AFAP1: variants seen among roughly 807,000 people sequenced by gnomAD.
The protein encoded by AFAP1 is actin filament-associated protein 1.
A neutral mutation model predicts 93.9 loss-of-function variants in AFAP1; 75 were observed. That is an observed-to-expected ratio of 0.80 (90% CI 0.66 to 0.97). AFAP1 has a LOEUF of 0.97. AFAP1 is among the 50% of genes least tolerant of loss of function. The pLI is 0.00. For synonymous variants in AFAP1, 517 were observed against 430.7 expected (o/e 1.20, Z -2.48); for missense variants, 1,201 against 1,050.8 (o/e 1.14, Z -1.98).
At chr4:7,770,833 G>A (rs1577179993) in intron 16 of AFAP1, among the ~76,000 whole-genome samples, 1 of 152,172 alleles carries the variant, frequency 6.6e-6, no homozygotes, top group Non-Finnish European at 1.5e-5. Flanking sequence ...AAGACAAGCA[G>A]CGTGGGGGAC....
chr4:7,837,249 C>T lies in AFAP1; in HGVS notation c.726+1275G>A, dbSNP rs191095308. 5.8e-4 allele frequency among the ~76,000 whole-genome samples: 89 copies of T among 152,264 alleles called. No homozygotes were observed. In the Middle Eastern group the frequency reaches 0.01, roughly 17 times the overall value. ...TAGGACTGAACACTACTGCCATGGA[C>T]GGAATGTGTTCCCCCAAATTCATAT... is the stretch of plus-strand genomic sequence containing the variant. On this transcript the variant is annotated intron_variant, in intron 6 of 17. Transcript: ENST00000420658.
chr4:7,758,967 CAT>C lies in AFAP1; in HGVS notation c.*4796_*4797del, dbSNP rs1313150686. 2 of 152,440 alleles carry C rather than the reference CAT, an allele frequency of 1.3e-5. No individual in the cohort carries two copies. The highest frequency in any genetic ancestry group is 1.9e-4 in the East Asian group (1 of 5,194). The allele number at this position is 152,440 out of a possible 1,614,324, so 9.4% of individuals were successfully genotyped here. A position where few individuals can be genotyped will look rare whatever the true frequency, so the allele number is the denominator to read the frequency against. On this transcript the variant is annotated 3_prime_UTR_variant, in exon 18 of 18. Coordinates refer to ENST00000420658, the MANE Select transcript of AFAP1 (RefSeq NM_001134647.2). ...AGTCATTTGAAGTGGGCACTACTAA[CAT>C]ATTTAATTTAAAAAAATCTTTGCTG...
At chr4:7,782,108 G>A (rs1358730596) in intron 12 of AFAP1, among the ~76,000 whole-genome samples, 1 of 152,234 alleles carries the variant, frequency 6.6e-6, no homozygotes, top group Non-Finnish European at 1.5e-5. Flanking sequence ...TCCTAGCAGA[G>A]CACCCGATGC....
intron 17 of AFAP1, 21 bp from the exon 18 acceptor site, chr4:7,763,812 G>C (rs1216130947): frequency 5.2e-6 from 8 of 1,551,474 alleles, no homozygotes; most frequent in Non-Finnish European, 7.0e-6. Context: ...GGAGAGTCTT[G>C]TAAGTGGACA....
At chr4:7,913,300 G>A (rs755308526) in intron 1 of AFAP1, among the ~76,000 whole-genome samples, 41 of 151,464 alleles carry the variant, frequency 2.7e-4, no homozygotes, top group Non-Finnish European at 2.8e-4. Flanking sequence ...TGAGGTGGGA[G>A]GATCTCTTGA....
chr4:7,895,358 C>T (rs1718704082), intron 1 of AFAP1, among the ~76,000 whole-genome samples: 1 of 152,138 alleles, frequency 6.6e-6, no homozygotes, highest in Non-Finnish European at 1.5e-5. Flanking sequence ...CAATAAATTA[C>T]TACGGTCATT....
intron 13 of AFAP1, among the ~76,000 whole-genome samples, chr4:7,780,564 G>T (rs1337940015): frequency 6.6e-6 from 1 of 152,162 alleles, no homozygotes; most frequent in African/African-American, 2.4e-5. Flanking sequence ...TGTTGTCCCA[G>T]CTACTTGGGA....
chr4:7,790,077 T>A (rs1475002177), intron 11 of AFAP1, among the ~76,000 whole-genome samples: 1 of 152,212 alleles, frequency 6.6e-6, no homozygotes, highest in African/African-American at 2.4e-5. Context: ...GCACAAAGAA[T>A]TCTCCTAAGA....
At position 7,843,269 on chromosome 4, in the gene AFAP1, T is replaced by C. The variant is rs761733224; in HGVS notation, c.416A>G (p.His139Arg). 8.7e-6 allele frequency: 14 copies of C among 1,614,050 alleles called. No individual in the cohort carries two copies. The highest frequency in any genetic ancestry group is 1.2e-5 in the Non-Finnish European group (14 of 1,180,052). Residue 139 changes from histidine to arginine, a missense_variant, in exon 5 of 18, where the codon CAC becomes CGC. Coordinates refer to ENST00000420658, the MANE Select transcript of AFAP1 (RefSeq NM_001134647.2). ...GGAGGCCTCCTCGGAGGGCCACTGG[T>C]GCCGGGTTTTCTTCCCCTTCCCATC... is the stretch of plus-strand genomic sequence containing the variant. ...EEDGKGKKTR[H>R]QWPSEEASMD... is the part of the protein sequence containing the mutation.
At chr4:7,908,763 G>A (rs1719564478) in intron 1 of AFAP1, among the ~76,000 whole-genome samples, 1 of 152,236 alleles carries the variant, frequency 6.6e-6, no homozygotes, top group African/African-American at 2.4e-5. Flanking sequence ...GCCATAGGAA[G>A]CACCTGTTCT....
In AFAP1 at chr4:7,903,555, T is replaced by A. The variant is rs1719234756; in HGVS notation, c.-2-31475A>T. Among the ~76,000 whole-genome samples, 5 of 152,222 alleles carry A rather than the reference T, an allele frequency of 3.3e-5. No individual in the cohort carries two copies. The South Asian group carries it at 1.0e-3, about 32-fold the overall frequency. On this transcript the variant is annotated intron_variant, in intron 1 of 17. Transcript: ENST00000420658. Reference sequence around the variant, plus strand: ...TTAGCTGGGCATGGTGGTGCACACCTGTAATCCCAGTTACTCAGGAAGCTG... The same window carrying A: ...TTAGCTGGGCATGGTGGTGCACACCAGTAATCCCAGTTACTCAGGAAGCTG...
chr4:7,781,092 C>T (rs1364630880), intron 13 of AFAP1, among the ~76,000 whole-genome samples: 1 of 152,182 alleles, frequency 6.6e-6, no homozygotes, highest in Non-Finnish European at 1.5e-5. Flanking sequence ...AACTTCTCTG[C>T]CTTTAGTTGA....
intron 16 of AFAP1, among the ~76,000 whole-genome samples, chr4:7,771,617 C>T (rs1198091539): frequency 1.3e-5 from 2 of 152,318 alleles, no homozygotes; most frequent in South Asian, 4.1e-4. Context: ...ACAGTCTATG[C>T]AGCGACCGTT....
rs1012356182 is a variant in AFAP1 at position 7,762,325 on chromosome 4, G to A, written c.*1440C>T. The A allele has an allele frequency of 6.6e-5, 10 of 152,210 alleles. No individual in the cohort carries two copies. The highest frequency in any genetic ancestry group is 1.7e-4 in the African/African-American group (7 of 41,436). The allele number at this position is 152,210 out of a possible 1,614,324, so 9.4% of individuals were successfully genotyped here. ...AGGACATTCTGGACAGTGGACAGAA[G>A]GAAGGCTTACACCAAGTATGGCACC... On this transcript the variant is annotated 3_prime_UTR_variant, in exon 18 of 18. Coordinates refer to ENST00000420658, the MANE Select transcript of AFAP1 (RefSeq NM_001134647.2).
chr4:7,868,759 G>A (rs1414164783), intron 2 of AFAP1, 40 bp from the exon 3 acceptor site: 1 of 1,579,060 alleles, frequency 6.3e-7, no homozygotes, highest in Non-Finnish European at 8.7e-7. Context: ...GGATGAGGAT[G>A]GGGATGAGAA....
chr4:7,889,786 A>G (rs1718350170), intron 1 of AFAP1, among the ~76,000 whole-genome samples: 1 of 150,944 alleles, frequency 6.6e-6, no homozygotes, highest in African/African-American at 2.4e-5. Flanking sequence ...TATGTTAAAT[A>G]TATTAGGATA....
intron 9 of AFAP1, among the ~76,000 whole-genome samples, chr4:7,803,056 G>C (rs1326356365): frequency 6.6e-6 from 1 of 152,178 alleles, no homozygotes; most frequent in Non-Finnish European, 1.5e-5. Context: ...ACCATCTAGA[G>C]TAACCACTCA....
chr4:7,892,345 G>A (rs1718519330), intron 1 of AFAP1, among the ~76,000 whole-genome samples: 1 of 152,208 alleles, frequency 6.6e-6, no homozygotes, highest in South Asian at 2.1e-4. Flanking sequence ...TGTCCAGAGT[G>A]ACAGATGGGC....
At chr4:7,814,427 C>T (rs891500514) in intron 8 of AFAP1, among the ~76,000 whole-genome samples, 3 of 152,116 alleles carry the variant, frequency 2.0e-5, no homozygotes, top group South Asian at 2.1e-4. Context: ...GGTATTTACC[C>T]GAGGGAAATG....
Sources: allele counts gnomAD v4.1 joint callset (sites outside exome capture counted in the v4.1 genomes callset), GRCh38; gene constraint gnomAD v4.1.1; transcripts MANE v1.5; gene names NCBI Gene and HGNC (gene_info 2026-07-23, HGNC 2026-07-21).